WBP4: variants seen among roughly 807,000 people sequenced by gnomAD.
WBP4 encodes WW domain binding protein 4.
WBP4 carries 37 observed loss-of-function variants against 55.4 expected under a neutral mutation model. That is an observed-to-expected ratio of 0.67 (90% CI 0.51 to 0.88). WBP4 has a LOEUF of 0.88. WBP4 is among the 40% of genes least tolerant of loss of function. The probability of loss-of-function intolerance (pLI) is 0.00; values close to 1 mark genes in which losing one functional copy is unlikely to be tolerated. For missense variants in WBP4, 398 were observed against 420.8 expected, an observed-to-expected ratio of 0.95 and a Z score of 0.47; for synonymous variants, 142 against 140.2, an observed-to-expected ratio of 1.01 and a Z score of -0.09.
At chr13:41,071,714 A>G (rs1341733782) in intron 6 of WBP4, 141 bp downstream of exon 6, 3 of 749,630 alleles carry the variant, frequency 4.0e-6, no homozygotes, top group Non-Finnish European at 6.5e-6. Flanking sequence ...TTTTTTTCCC[A>G]TAATGCTTTT....
At chr13:41,071,379 T>C in intron 5 of WBP4, 148 bp from the exon 6 acceptor site, 1 of 621,324 alleles carries the variant, frequency 1.6e-6, no homozygotes, top group Non-Finnish European at 2.9e-6. Context: ...AGTACTGGGA[T>C]GTATGTTCTG....
chr13:41,065,177 G>A lies in WBP4; in HGVS notation c.152G>A (p.Ser51Asn). 6.2e-7 allele frequency: 1 copy of A among 1,611,522 alleles called. No homozygotes were observed. Among genetic ancestry groups the A allele is most frequent in the Non-Finnish European group, 8.5e-7 (1 of 1,179,210 alleles). The change falls in exon 4 of 10, where the codon AGC (serine) becomes AAC (asparagine). Residue 51 changes from serine (S) to asparagine (N), a missense_variant. Ser to Asn is a conservative substitution (Grantham distance 46). Coordinates refer to ENST00000379487, the MANE Select transcript of WBP4 (RefSeq NM_007187.5). ...AKRISEIKQKSLDKAKEEEKA... is the reference protein window; with the variant it reads ...AKRISEIKQKNLDKAKEEEKA... ...TGTCTTACATAGATTAAACAGAAAA[G>A]CCTGGATAAGGCAAAGGAAGAAGAA... is the stretch of plus-strand genomic sequence containing the variant.
At chr13:41,077,617 A>G (rs1275635270) in intron 8 of WBP4, among the ~76,000 whole-genome samples, 1 of 152,222 alleles carries the variant, frequency 6.6e-6, no homozygotes, top group African/African-American at 2.4e-5. Flanking sequence ...TCAACATAAT[A>G]TTGGAAGTGC....
chr13:41,072,675 TA>T (rs567819176), intron 6 of WBP4, 106 bp from the exon 7 acceptor site: 227 of 860,350 alleles, frequency 2.6e-4, no homozygotes, highest in Non-Finnish European at 4.0e-4. Flanking sequence ...ATCGAGATGA[TA>T]TCACCAGGTG....
At chr13:41,076,999 A>T (rs1390110061) in intron 8 of WBP4, among the ~76,000 whole-genome samples, 2 of 152,216 alleles carry the variant, frequency 1.3e-5, no homozygotes, top group African/African-American at 4.8e-5. Context: ...GTCAAAATGA[A>T]TGTGTTCCAA....
At position 41,068,681 on chromosome 13, in the gene WBP4, G is replaced by A; in HGVS notation, c.383G>A (p.Trp128Ter). The A allele has an allele frequency of 6.2e-7, 1 of 1,613,388 alleles. No individual in the cohort carries two copies. Among genetic ancestry groups the A allele is most frequent in the Non-Finnish European group, 8.5e-7 (1 of 1,179,766 alleles). The change falls in exon 5 of 10, where the codon TGG becomes TAG. Residue 128 changes from tryptophan (W) to a stop codon, truncating the protein, a stop_gained. Coordinates refer to ENST00000379487, the MANE Select transcript of WBP4 (RefSeq NM_007187.5). LOFTEE classifies it high-confidence loss of function. ...AAAAAAGATCCTTCAAAGGGCAGAT[G>A]GGTAGAAGGCATAACCTCTGAGGGT... Reference protein sequence around the residue: ...KRKKDPSKGRWVEGITSEGYH... With the variant: ...KRKKDPSKGR
At chr13:41,076,916 C>G (rs1371443700) in intron 8 of WBP4, among the ~76,000 whole-genome samples, 1 of 152,156 alleles carries the variant, frequency 6.6e-6, no homozygotes, top group Non-Finnish European at 1.5e-5. Flanking sequence ...ATTGCCATCT[C>G]ACAATGATTA....
In WBP4 at chr13:41,082,700, C is replaced by A. The variant is rs536010838; in HGVS notation, c.921-4C>A. On this transcript the variant is annotated splice_polypyrimidine_tract_variant and splice_region_variant and intron_variant, in intron 9 of 9. Coordinates refer to ENST00000379487, the MANE Select transcript of WBP4 (RefSeq NM_007187.5). ...ATAGAGTTTTACTTTAACTCTATTTCCAGTGAGGAGGTAGATTTGGAACTT... is the reference window on the plus strand; with the variant it reads ...ATAGAGTTTTACTTTAACTCTATTTACAGTGAGGAGGTAGATTTGGAACTT... The A allele has an allele frequency of 1.2e-6, 2 of 1,613,492 alleles. No individual in the cohort carries two copies. Among genetic ancestry groups the A allele is most frequent in the Non-Finnish European group, 1.7e-6 (2 of 1,179,778 alleles).
intron 8 of WBP4, among the ~76,000 whole-genome samples, chr13:41,077,286 C>T (rs148297081): frequency 3.7e-4 from 57 of 152,224 alleles, no homozygotes; most frequent in Middle Eastern, 6.8e-3. Context: ...AAACCTTCAG[C>T]AAACTAGGCA....
intron 6 of WBP4, 69 bp from the exon 7 acceptor site, chr13:41,072,713 C>CTT (rs1436684839): frequency 7.1e-7 from 1 of 1,415,988 alleles, no homozygotes; most frequent in Non-Finnish European, 9.9e-7. Flanking sequence ...GGGTGGCTGA[C>CTT]TGTCTGAGTT....
chr13:41,062,565 T>G (rs529380199), intron 1 of WBP4, 79 bp from the exon 2 acceptor site: 1 of 1,367,164 alleles, frequency 7.3e-7, no homozygotes, highest in East Asian at 2.3e-5. Flanking sequence ...TATTTCAAAC[T>G]TTAAAAACTG....
chr13:41,074,458 A>T (rs1228789237), intron 7 of WBP4, among the ~76,000 whole-genome samples: 2 of 152,184 alleles, frequency 1.3e-5, no homozygotes, highest in Non-Finnish European at 2.9e-5. Flanking sequence ...ATATTCCAGT[A>T]CAATTGAAGG....
chr13:41,075,788 T>C (rs1878452789), intron 7 of WBP4, among the ~76,000 whole-genome samples: 1 of 152,148 alleles, frequency 6.6e-6, no homozygotes. Context: ...CCGTTAGAAA[T>C]ATCACCCAGT....
At chr13:41,072,045 CAAAAAAAAAAAAA>C (rs560903455) in intron 6 of WBP4, among the ~76,000 whole-genome samples, 3 of 50,788 alleles carry the variant, frequency 5.9e-5, no homozygotes, top group Admixed American at 2.1e-4. Context: ...GACTCCGTCT[CAAAAAAAAAAAAA>C]AAAAAAAAAG....
intron 5 of WBP4, among the ~76,000 whole-genome samples, chr13:41,069,749 A>G (rs1878148370): frequency 6.7e-6 from 1 of 148,946 alleles, no homozygotes; most frequent in Non-Finnish European, 1.5e-5. Flanking sequence ...GAGGTGGCTC[A>G]TGCCTGTAAT....
chr13:41,077,918 C>T (rs373965943), intron 8 of WBP4, among the ~76,000 whole-genome samples: 57 of 151,602 alleles, frequency 3.8e-4, no homozygotes, highest in Admixed American at 6.6e-5. Context: ...AAAAAAATCT[C>T]GGAATACATT....
At chr13:41,069,271 A>C (rs1878122828) in intron 5 of WBP4, among the ~76,000 whole-genome samples, 1 of 152,186 alleles carries the variant, frequency 6.6e-6, no homozygotes, top group Admixed American at 6.5e-5. Context: ...TCATGCCTGT[A>C]ATCCTAGCAC....
At chr13:41,081,498 CAAAAAAAAAAAA>C (rs555764002) in intron 9 of WBP4, among the ~76,000 whole-genome samples, 1 of 81,188 alleles carries the variant, frequency 1.2e-5, no homozygotes, top group Non-Finnish European at 2.3e-5. Flanking sequence ...ACCTTGTCTC[CAAAAAAAAAAAA>C]AAAAAAAAAA....
chr13:41,082,753 A>G lies in WBP4; in HGVS notation c.970A>G (p.Thr324Ala). The G allele has an allele frequency of 6.2e-7, 1 of 1,614,124 alleles. No individual in the cohort carries two copies. Among genetic ancestry groups the G allele is most frequent in the Non-Finnish European group, 8.5e-7 (1 of 1,180,002 alleles). Reference protein sequence around the residue: ...LPSTENEYVSTSEADGGGEPK... With the variant: ...LPSTENEYVSASEADGGGEPK... ...AAGCACTGAAAATGAGTATGTATCAACTTCAGAAGCTGATGGTGGCGGAGA... is the reference window on the plus strand; with the variant it reads ...AAGCACTGAAAATGAGTATGTATCAGCTTCAGAAGCTGATGGTGGCGGAGA... The change falls in exon 10 of 10, where the codon ACT becomes GCT. Residue 324 changes from threonine to alanine, a missense_variant. Transcript: ENST00000379487.
Sources: gnomAD v4.1 joint callset for allele counts (sites outside exome capture counted in the v4.1 genomes callset) on GRCh38, gnomAD v4.1.1 for gene constraint, MANE v1.5 for transcripts, NCBI Gene and HGNC (gene_info 2026-07-23, HGNC 2026-07-21) for gene names.